The following CNTNAP2 variants were observed in gnomAD, a reference collection of about 807,000 sequenced individuals.
CNTNAP2 encodes the protein contactin associated protein 2, also known as contactin-associated protein-like 2.
A neutral mutation model predicts 155.2 loss-of-function variants in CNTNAP2; 98 were observed. The ratio of observed to expected loss-of-function variants is 0.63; its 90% confidence interval spans 0.54 to 0.75. CNTNAP2 has a LOEUF of 0.75. Ranked by LOEUF, CNTNAP2 falls within the 30% of genes least tolerant of loss-of-function variation. The probability of loss-of-function intolerance (pLI) is 0.00; values close to 1 mark genes in which losing one functional copy is unlikely to be tolerated. For missense variants in CNTNAP2, 1,727 were observed against 1,688.1 expected, an observed-to-expected ratio of 1.02 and a Z score of -0.40; for synonymous variants, 651 against 631.2, an observed-to-expected ratio of 1.03 and a Z score of -0.47.
chr7:148,268,968 TG>T (rs374370487), intron 21 of CNTNAP2, among the ~76,000 whole-genome samples: 3 of 152,174 alleles, frequency 2.0e-5, no homozygotes, highest in African/African-American at 7.2e-5. Flanking sequence ...GAGGAAAGAT[TG>T]GGCAGGTGAT....
chr7:146,481,629 G>C (rs1796961510), intron 1 of CNTNAP2, among the ~76,000 whole-genome samples: 1 of 152,182 alleles, frequency 6.6e-6, no homozygotes, highest in South Asian at 2.1e-4. Flanking sequence ...AAGGTTGAAG[G>C]CTTGTAGAAA....
chr7:146,347,138 T>TAAAAAAAAAAAAAAAAA (rs59530824), intron 1 of CNTNAP2, among the ~76,000 whole-genome samples: 2 of 93,876 alleles, frequency 2.1e-5, no homozygotes, highest in African/African-American at 3.5e-5. Context: ...CCATACTCTG[T>TAAAAAAAAAAAAAAAAA]AAAAAAAAAA....
At chr7:147,436,156 G>T (rs995695387) in intron 10 of CNTNAP2, among the ~76,000 whole-genome samples, 1 of 152,090 alleles carries the variant, frequency 6.6e-6, no homozygotes, top group Non-Finnish European at 1.5e-5. Context: ...GAATAAAGAG[G>T]TCTTATTTCA....
intron 1 of CNTNAP2, among the ~76,000 whole-genome samples, chr7:146,771,157 T>C (rs1428124777): frequency 6.6e-6 from 1 of 152,236 alleles, no homozygotes. Flanking sequence ...TTAATGTTCC[T>C]TCTTAGTATT....
intron 12 of CNTNAP2, among the ~76,000 whole-genome samples, chr7:147,609,304 G>A (rs1801135476): frequency 6.6e-6 from 1 of 152,184 alleles, no homozygotes; most frequent in Non-Finnish European, 1.5e-5. Context: ...GGCCGAGGTG[G>A]GCGGACCACG....
intron 8 of CNTNAP2, among the ~76,000 whole-genome samples, chr7:147,183,074 T>C (rs1466251580): frequency 2.0e-5 from 3 of 151,998 alleles, no homozygotes; most frequent in Admixed American, 1.3e-4. Context: ...CATCTAATCA[T>C]AGTTACTCTA....
intron 10 of CNTNAP2, among the ~76,000 whole-genome samples, chr7:147,415,272 T>A (rs921139232): frequency 2.0e-5 from 3 of 152,202 alleles, no homozygotes; most frequent in African/African-American, 7.2e-5. Context: ...AATTTCTTTC[T>A]AATAGACATG....
chr7:146,937,071 T>C, intron 3 of CNTNAP2, among the ~76,000 whole-genome samples: 1 of 152,046 alleles, frequency 6.6e-6, no homozygotes. Context: ...CCCCAAAGTA[T>C]GTTCTCACAT....
chr7:146,665,862 C>G (rs927800723), intron 1 of CNTNAP2, among the ~76,000 whole-genome samples: 1 of 141,036 alleles, frequency 7.1e-6, no homozygotes, highest in African/African-American at 2.7e-5. Context: ...TTGTCTTAAA[C>G]TGACATAAAA....
chr7:146,818,449 T>G (rs1803216231), intron 2 of CNTNAP2, among the ~76,000 whole-genome samples: 1 of 152,198 alleles, frequency 6.6e-6, no homozygotes, highest in South Asian at 2.1e-4. Flanking sequence ...TGTCTCTCCA[T>G]GAAATAAAAC....
intron 8 of CNTNAP2, among the ~76,000 whole-genome samples, chr7:147,250,652 A>C (rs974825548): frequency 1.3e-5 from 2 of 151,902 alleles, no homozygotes; most frequent in African/African-American, 4.8e-5. Flanking sequence ...AAGGAGGAAA[A>C]GTGTGTGTCT....
intron 13 of CNTNAP2, among the ~76,000 whole-genome samples, chr7:147,702,055 G>GTTTTTTTTTTTTTTT (rs553693695): frequency 1.8e-5 from 2 of 111,908 alleles, no homozygotes. Context: ...ACTTTGGTTG[G>GTTTTTTTTTTTTTTT]TTTTTTTTTT....
At chr7:147,009,307 C>T (rs977757295) in intron 3 of CNTNAP2, among the ~76,000 whole-genome samples, 3 of 152,056 alleles carry the variant, frequency 2.0e-5, no homozygotes, top group Admixed American at 1.3e-4. Flanking sequence ...GCTTATAAAA[C>T]ATCAGATTTA....
Position 146,175,774 on chromosome 7 carries a change from A to G in CNTNAP2, c.97+58801A>G, listed in dbSNP as rs1351830539. On this transcript the variant is annotated intron_variant, in intron 1 of 23. Coordinates refer to ENST00000361727, the MANE Select transcript of CNTNAP2 (RefSeq NM_014141.6). ...TAGTTCTAAGTTTGGATTTTCCTCT[A>G]TAATATTACAATTGCTATTTCTTTG... 3.3e-5 allele frequency among the ~76,000 whole-genome samples: 5 copies of G among 152,248 alleles called. No homozygotes were observed. In the East Asian group the frequency reaches 7.7e-4, roughly 24 times the overall value.
At chr7:148,184,707 C>A (rs920802379) in intron 18 of CNTNAP2, among the ~76,000 whole-genome samples, 2 of 152,154 alleles carry the variant, frequency 1.3e-5, no homozygotes, top group African/African-American at 4.8e-5. Context: ...TTGAGTTTAT[C>A]CCAATTAAAG....
chr7:146,671,567 G>A (rs193187182), intron 1 of CNTNAP2, among the ~76,000 whole-genome samples: 70 of 152,166 alleles, frequency 4.6e-4, no homozygotes, highest in African/African-American at 3.4e-4. Flanking sequence ...ATTTCTGTGG[G>A]TTCTTAACTT....
chr7:146,389,134 C>T (rs1292879260), intron 1 of CNTNAP2, among the ~76,000 whole-genome samples: 4 of 151,948 alleles, frequency 2.6e-5, no homozygotes, highest in African/African-American at 7.3e-5. Context: ...TTATTATATT[C>T]GCAAAAGGCT....
intron 1 of CNTNAP2, among the ~76,000 whole-genome samples, chr7:146,613,062 G>T (rs17170192): frequency 0.16 from 24,640 of 151,444 alleles, 2,771 homozygotes; most frequent in East Asian, 0.49. Context: ...CAAGCTAATT[G>T]TCTTCCTTAT....
At chr7:146,300,477 T>C (rs903984157) in intron 1 of CNTNAP2, among the ~76,000 whole-genome samples, 18 of 152,090 alleles carry the variant, frequency 1.2e-4, no homozygotes, top group African/African-American at 4.3e-4. Flanking sequence ...AGAGTTCCAC[T>C]ACATTAAAAT....
Sources: allele counts gnomAD v4.1 joint callset (sites outside exome capture counted in the v4.1 genomes callset), GRCh38; gene constraint gnomAD v4.1.1; transcripts MANE v1.5; gene names NCBI Gene and HGNC (gene_info 2026-07-23, HGNC 2026-07-21).